TLN2: variants seen among roughly 807,000 people sequenced by gnomAD.
TLN2 encodes talin 2.
TLN2 carries 118 observed loss-of-function variants against 294.7 expected under a neutral mutation model. That is an observed-to-expected ratio of 0.40 (90% confidence interval 0.34 to 0.47). The LOEUF (loss-of-function observed/expected upper bound fraction) is 0.47, where lower values mean the gene tolerates loss of function less well. Ranked by LOEUF, TLN2 falls within the 20% of genes least tolerant of loss-of-function variation. The pLI, the probability that TLN2 is intolerant of heterozygous loss-of-function variation, is 0.84. For missense variants in TLN2, 3,083 were observed against 3,282.2 expected, an observed-to-expected ratio of 0.94 and a Z score of 1.48; for synonymous variants, 1,431 against 1,304.5, an observed-to-expected ratio of 1.10 and a Z score of -2.09.
chr15:62,530,351 T>TATTCATTCATTC (rs138448735), intron 1 of TLN2, among the ~76,000 whole-genome samples: 1 of 152,032 alleles, frequency 6.6e-6, no homozygotes, highest in African/African-American at 2.4e-5. Flanking sequence ...TTTATTCATG[T>TATTCATTCATTC]ATTCATTCAT....
chr15:62,648,650 C>T (rs551573986), intron 4 of TLN2, among the ~76,000 whole-genome samples: 4 of 147,922 alleles, frequency 2.7e-5, no homozygotes, highest in African/African-American at 7.5e-5. Flanking sequence ...CGAGTTTAAG[C>T]GATTCTCCTG....
At chr15:62,564,136 T>C (rs984138214) in intron 1 of TLN2, among the ~76,000 whole-genome samples, 7 of 152,222 alleles carry the variant, frequency 4.6e-5, no homozygotes, top group African/African-American at 1.7e-4. Context: ...AGTTTGGGGC[T>C]CTGCACTGTG....
At chr15:62,422,027 G>A (rs369264391) in intron 1 of TLN2, among the ~76,000 whole-genome samples, 267 of 151,844 alleles carry the variant, frequency 1.8e-3, no homozygotes, top group Non-Finnish European at 1.9e-3. Context: ...TTGGGAGGCC[G>A]AGGCAGGTGG....
chr15:62,651,665 G>A (rs2052599838), intron 5 of TLN2, among the ~76,000 whole-genome samples: 1 of 152,114 alleles, frequency 6.6e-6, no homozygotes, highest in African/African-American at 2.4e-5. Context: ...GTGCAGGGCG[G>A]CTTATGGAAA....
rs945645714 is a variant in TLN2, at chr15:62,636,142, A to T, written c.-36-11133A>T. Among the ~76,000 whole-genome samples, 40 of 152,196 alleles carry T rather than the reference A, an allele frequency of 2.6e-4. 1 individual carries two copies. The highest frequency in any genetic ancestry group is 2.9e-5 in the Non-Finnish European group (2 of 68,040). On this transcript the variant is annotated intron_variant, in intron 3 of 58. Coordinates refer to ENST00000636159, the MANE Select transcript of TLN2 (RefSeq NM_015059.3). ...ATTTTTAAAAATATATGTATGTATT[A>T]GTTTTAATTCTTACATTCAGAAGGA...
At chr15:62,530,854 C>G (rs1001041826) in intron 1 of TLN2, among the ~76,000 whole-genome samples, 1 of 152,122 alleles carries the variant, frequency 6.6e-6, no homozygotes, top group Non-Finnish European at 1.5e-5. Flanking sequence ...TTTTGACTTG[C>G]TTGTTGAAGA....
chr15:62,612,615 A>T (rs909965551), intron 2 of TLN2, among the ~76,000 whole-genome samples: 8 of 152,206 alleles, frequency 5.3e-5, no homozygotes, highest in African/African-American at 1.7e-4. Flanking sequence ...GATACAGTGG[A>T]TAATGAGCCT....
At chr15:62,674,807 AT>A (rs2055962963) in intron 10 of TLN2, among the ~76,000 whole-genome samples, 2 of 152,166 alleles carry the variant, frequency 1.3e-5, no homozygotes, top group South Asian at 4.1e-4. Flanking sequence ...CAGCCAATAC[AT>A]TGAGGATGGA....
intron 22 of TLN2, among the ~76,000 whole-genome samples, chr15:62,712,751 C>T (rs903608627): frequency 3.3e-5 from 5 of 151,946 alleles, no homozygotes; most frequent in East Asian, 1.9e-4. Context: ...TGCATGCGTG[C>T]GTGCATGTGT....
In TLN2 at chr15:62,835,806, T is replaced by A. The variant is rs7180139; in HGVS notation, c.7191+7T>A. ...ACAGGGGCTGATTTCTGCTGTGAGT[T>A]GCCTTCTCCTTCCTCCCAGTTTGCT... On this transcript the variant is annotated splice_region_variant and intron_variant, in intron 56 of 58. Coordinates refer to ENST00000636159, the MANE Select transcript of TLN2 (RefSeq NM_015059.3). 0.039 allele frequency: 63,604 copies of A among 1,614,086 alleles called. 4,364 individuals are homozygous for A. The highest frequency in any genetic ancestry group is 0.31 in the African/African-American group (23,149 of 74,954).
intron 1 of TLN2, among the ~76,000 whole-genome samples, chr15:62,531,511 T>C (rs994407644): frequency 6.6e-6 from 1 of 152,154 alleles, no homozygotes; most frequent in Non-Finnish European, 1.5e-5. Context: ...GTGAATATAG[T>C]AAATAAGAAT....
chr15:62,490,144 C>A (rs1046292419), intron 1 of TLN2, among the ~76,000 whole-genome samples: 1 of 152,112 alleles, frequency 6.6e-6, no homozygotes, highest in East Asian at 1.9e-4. Flanking sequence ...AGACATAATC[C>A]ACAGGGATTT....
chr15:62,607,714 G>A (rs886821812), intron 2 of TLN2, among the ~76,000 whole-genome samples: 2 of 152,106 alleles, frequency 1.3e-5, no homozygotes, highest in African/African-American at 2.4e-5. Context: ...GAAAAGGCCC[G>A]ATTTCCCCAC....
At chr15:62,719,215 G>A (rs995694942) in intron 24 of TLN2, among the ~76,000 whole-genome samples, 10 of 152,170 alleles carry the variant, frequency 6.6e-5, no homozygotes, top group African/African-American at 2.2e-4. Context: ...ACAGAATGCC[G>A]TGCCTCTCTC....
chr15:62,448,500 A>G (rs2035940099), intron 1 of TLN2, among the ~76,000 whole-genome samples: 1 of 152,178 alleles, frequency 6.6e-6, no homozygotes, highest in Non-Finnish European at 1.5e-5. Context: ...CCTCTCTGTC[A>G]TGTGCTGCTT....
intron 54 of TLN2, chr15:62,828,978 T>G (rs978347402): frequency 3.9e-5 from 6 of 152,192 alleles, no homozygotes; most frequent in African/African-American, 1.4e-4. Context: ...TGTAACCACC[T>G]CTGTAAGAAA....
chr15:62,830,036 C>T (rs924085483), intron 54 of TLN2: 1 of 151,226 alleles, frequency 6.6e-6, no homozygotes, highest in Non-Finnish European at 1.5e-5. Flanking sequence ...TCTAAAGTTC[C>T]TTGCTTTAGC....
intron 1 of TLN2, among the ~76,000 whole-genome samples, chr15:62,585,360 T>C (rs1596249729): frequency 6.6e-6 from 1 of 152,202 alleles, no homozygotes; most frequent in Admixed American, 6.5e-5. Context: ...CCAGACACCA[T>C]GCTAAAAACT....
intron 46 of TLN2, among the ~76,000 whole-genome samples, chr15:62,794,233 C>T (rs937423): frequency 0.94 from 142,862 of 152,152 alleles, 67,710 homozygotes; most frequent in East Asian, 1. Context: ...CCTGGAGGGA[C>T]CACCAAAGGA....
Sources: allele counts gnomAD v4.1 joint callset (sites outside exome capture counted in the v4.1 genomes callset), GRCh38; gene constraint gnomAD v4.1.1; transcripts MANE v1.5; gene names NCBI Gene and HGNC (gene_info 2026-07-23, HGNC 2026-07-21).